CEP128: variants seen among roughly 807,000 people sequenced by gnomAD.
CEP128 encodes centrosomal protein 128kDa.
A neutral mutation model predicts 156.7 loss-of-function variants in CEP128; 132 were observed. The ratio of observed to expected loss-of-function variants is 0.84; its 90% CI spans 0.73 to 0.97. CEP128 has a LOEUF of 0.97. Ranked by LOEUF, CEP128 falls within the 50% of genes least tolerant of loss-of-function variation. CEP128 has a pLI of 0.00. For missense variants in CEP128, 1,252 were observed against 1,281.9 expected, an observed-to-expected ratio of 0.98 and a Z score of 0.36; for synonymous variants, 469 against 448.9, an observed-to-expected ratio of 1.04 and a Z score of -0.57.
rs558671714 is a variant in CEP128, at chr14:80,660,301, A to G, written c.2807-79878T>C. On this transcript the variant is annotated intron_variant, in intron 19 of 24. Transcript: ENST00000555265. Reference sequence around the variant, plus strand: ...AAAATTTAAAGCCTTCAGCTTCTACATATTACATGAATTAACATGTCAGTG... The same window carrying G: ...AAAATTTAAAGCCTTCAGCTTCTACGTATTACATGAATTAACATGTCAGTG... Among the ~76,000 whole-genome samples, 36 of 152,294 alleles carry G rather than the reference A, an allele frequency of 2.4e-4. 1 individual carries two copies. The South Asian group carries it at 5.6e-3, about 24-fold the overall frequency.
chr14:80,752,398 T>A (rs182968845), intron 18 of CEP128, among the ~76,000 whole-genome samples: 50 of 152,304 alleles, frequency 3.3e-4, no homozygotes, highest in Admixed American at 2.6e-3. Context: ...CACTAAGTTA[T>A]AAATATAATC....
intron 19 of CEP128, among the ~76,000 whole-genome samples, chr14:80,685,882 T>C (rs1475426175): frequency 2.0e-5 from 3 of 152,142 alleles, no homozygotes; most frequent in Non-Finnish European, 2.9e-5. Context: ...CAATAAATGA[T>C]GCTGGAACAG....
intron 14 of CEP128, among the ~76,000 whole-genome samples, chr14:80,484,990 T>G (rs1280729168): frequency 6.6e-6 from 1 of 152,112 alleles, no homozygotes; most frequent in African/African-American, 2.4e-5. Flanking sequence ...AATAACACAT[T>G]GTCTACAGCT....
intron 14 of CEP128, among the ~76,000 whole-genome samples, chr14:80,792,160 C>T (rs975003444): frequency 1.3e-5 from 2 of 152,100 alleles, no homozygotes; most frequent in African/African-American, 4.8e-5. Context: ...ATGTGAAATG[C>T]ATACATATAT....
intron 11 of CEP128, 21 bp downstream of exon 11, chr14:80,838,183 T>A: frequency 1.3e-6 from 2 of 1,548,446 alleles, no homozygotes; most frequent in Admixed American, 3.4e-5. Context: ...AAGTATATTA[T>A]AATAACTTGC....
At chr14:80,602,084 A>T (rs1199390960) in intron 19 of CEP128, among the ~76,000 whole-genome samples, 2 of 152,212 alleles carry the variant, frequency 1.3e-5, no homozygotes, top group Admixed American at 1.3e-4. Context: ...TTTTAGACAA[A>T]ACTTGTTCTG....
At chr14:80,845,851 G>A (rs1375547191) in intron 9 of CEP128, among the ~76,000 whole-genome samples, 3 of 152,144 alleles carry the variant, frequency 2.0e-5, no homozygotes, top group Non-Finnish European at 4.4e-5. Context: ...TGATGGAAAT[G>A]GGCTTTATAA....
intron 19 of CEP128, among the ~76,000 whole-genome samples, chr14:80,632,470 T>G (rs1391989413): frequency 6.7e-6 from 1 of 148,860 alleles, no homozygotes; most frequent in Non-Finnish European, 1.5e-5. Context: ...ACATATGATA[T>G]ATACTATACA....
chr14:80,854,646 G>A (rs117832096), intron 9 of CEP128, among the ~76,000 whole-genome samples: 4,275 of 152,156 alleles, frequency 0.028, 132 homozygotes, highest in Non-Finnish European at 0.038. Flanking sequence ...AGCCTGTATT[G>A]TAAGAGAATG....
In CEP128 at chr14:80,831,277, G is replaced by T. The variant is rs1807779444; in HGVS notation, c.1075C>A (p.Gln359Lys). 6.2e-7 allele frequency: 1 copy of T among 1,613,718 alleles called. No individual in the cohort carries two copies. Among genetic ancestry groups the T allele is most frequent in the Non-Finnish European group, 8.5e-7 (1 of 1,179,902 alleles). Residue 359 changes from glutamine to lysine, a missense_variant, in exon 13 of 25, where the codon CAG becomes AAG. By Grantham distance (53) the Gln-to-Lys change is moderately conservative (BLOSUM62 1). Transcript: ENST00000555265. Reference protein sequence around the residue: ...RFRRGVEREKQDLEKQMSDLR... With the variant: ...RFRRGVEREKKDLEKQMSDLR... Reference sequence around the variant, plus strand: ...TCTGACATTTGCTTCTCCAGGTCCTGTTTTTCCCGCTCAACCCCTTAAAAG... The same window carrying T: ...TCTGACATTTGCTTCTCCAGGTCCTTTTTTTCCCGCTCAACCCCTTAAAAG...
At chr14:80,505,910 A>C (rs905616126) in intron 23 of CEP128, among the ~76,000 whole-genome samples, 1 of 152,222 alleles carries the variant, frequency 6.6e-6, no homozygotes, top group African/African-American at 2.4e-5. Context: ...AGAAAGCAAG[A>C]CATTGGGGTC....
At chr14:80,539,795 G>A (rs1054721542) in intron 21 of CEP128, among the ~76,000 whole-genome samples, 4 of 152,034 alleles carry the variant, frequency 2.6e-5, no homozygotes, top group African/African-American at 9.7e-5. Flanking sequence ...TCCTAGCAAG[G>A]AATATTAATA....
intron 7 of CEP128, among the ~76,000 whole-genome samples, chr14:80,899,361 C>A (rs1200075499): frequency 6.6e-6 from 1 of 152,086 alleles, no homozygotes; most frequent in Non-Finnish European, 1.5e-5. Context: ...CAAAACATGG[C>A]CTCCAAAAGA....
chr14:80,654,890 T>G (rs1363063734), intron 19 of CEP128, among the ~76,000 whole-genome samples: 1 of 152,148 alleles, frequency 6.6e-6, no homozygotes, highest in East Asian at 1.9e-4. Context: ...CAGACTTCAG[T>G]GTCACAGTGT....
At position 80,792,909 on chromosome 14, in the gene CEP128, G is replaced by A. The variant is rs1466882190; in HGVS notation, c.1411C>T (p.Leu471=). ...CTCCTCTTCTCCGCCTCCTCTTTCA[G>A]AGCCTCTGACTGCTGGAGCTCACTG... ...YLSELQQSEA[L]KEEAEKRRED... The change falls in exon 14 of 25, where the codon CTG becomes TTG. Residue 471 remains leucine (L), a synonymous_variant. Coordinates refer to ENST00000555265, the MANE Select transcript of CEP128 (RefSeq NM_152446.5). 1.2e-6 allele frequency: 2 copies of A among 1,614,100 alleles called. No individual in the cohort carries two copies. The highest frequency in any genetic ancestry group is 2.2e-5 in the South Asian group (2 of 91,084).
rs572637942 is a variant in CEP128 at position 80,771,344 on chromosome 14, T to C, written c.2376+6538A>G. Among the ~76,000 whole-genome samples the C allele has an allele frequency of 2.0e-5, 3 of 152,348 alleles. No homozygotes were observed. In the East Asian group the frequency reaches 5.8e-4, roughly 29 times the overall value. ...GTATGCTTATATCCTGTTTCTACCA[T>C]GTTTCTATGCAGTGTTGAGCAAGTC... On this transcript the variant is annotated intron_variant, in intron 16 of 24. Transcript: ENST00000555265.
intron 23 of CEP128, among the ~76,000 whole-genome samples, chr14:80,521,251 T>C (rs1282560419): frequency 6.6e-6 from 1 of 152,148 alleles, no homozygotes; most frequent in Non-Finnish European, 1.5e-5. Flanking sequence ...ACCTAGAATT[T>C]TGAATTAGAG....
At position 80,916,516 on chromosome 14, in the gene CEP128, A is replaced by G. The variant is rs558953271; in HGVS notation, c.32T>C (p.Phe11Ser). 126 of 1,614,016 alleles carry G rather than the reference A, an allele frequency of 7.8e-5. 1 individual carries two copies. In the South Asian group the frequency reaches 1.4e-3, roughly 18 times the overall value. Residue 11 changes from phenylalanine to serine, a missense_variant, in exon 3 of 25, where the codon TTC becomes TCC. Transcript: ENST00000555265. The stretch of plus-strand genomic sequence containing the variant: ...TGGACTCAATCGGTCACGACAGCGG[A>G]AGTGATCTGATTCGCTGGATGATTC... MAESSSESDH[F>S]RCRDRLSPWA...
At chr14:80,906,962 C>T (rs952729734) in intron 4 of CEP128, among the ~76,000 whole-genome samples, 3 of 152,182 alleles carry the variant, frequency 2.0e-5, no homozygotes, top group Non-Finnish European at 4.4e-5. Flanking sequence ...TCATCTATAA[C>T]TCTTTAAGTA....
Sources: gnomAD v4.1 joint callset for allele counts (sites outside exome capture counted in the v4.1 genomes callset) on GRCh38, gnomAD v4.1.1 for gene constraint, MANE v1.5 for transcripts, NCBI Gene and HGNC (gene_info 2026-07-23, HGNC 2026-07-21) for gene names.